SYT14: variants seen among roughly 807,000 people sequenced by gnomAD.
The protein encoded by SYT14 is synaptotagmin 14.
SYT14 carries 32 observed loss-of-function variants against 74.2 expected under a neutral mutation model. The ratio of observed to expected loss-of-function variants is 0.43; its 90% CI spans 0.33 to 0.58. The LOEUF is 0.58. Ranked by LOEUF, SYT14 falls within the 20% of genes least tolerant of loss-of-function variation. The pLI, the probability that SYT14 is intolerant of heterozygous loss-of-function variation, is 0.05. For missense variants in SYT14, 791 were observed against 981.8 expected (o/e 0.81, Z 2.60); for synonymous variants, 298 against 337.7 (o/e 0.88, Z 1.29).
chr1:210,129,019 AAT>A (rs1423257968), intron 7 of SYT14, among the ~76,000 whole-genome samples: 2 of 152,214 alleles, frequency 1.3e-5, no homozygotes, highest in Non-Finnish European at 2.9e-5. Context: ...TATCCAAAAA[AAT>A]AGCTTCAGGA....
At chr1:210,005,889 ATTTC>A (rs1338392679) in intron 2 of SYT14, among the ~76,000 whole-genome samples, 1 of 151,686 alleles carries the variant, frequency 6.6e-6, no homozygotes, top group Admixed American at 6.6e-5. Context: ...TTTTTTTCTA[ATTTC>A]TTCAAGATTG....
At chr1:210,061,985 A>G (rs2081215005) in intron 5 of SYT14, among the ~76,000 whole-genome samples, 1 of 151,750 alleles carries the variant, frequency 6.6e-6, no homozygotes, top group African/African-American at 2.4e-5. Context: ...TCTATTATAC[A>G]GTGGCTTTGC....
chr1:210,079,385 T>C (rs1210386292), intron 5 of SYT14, among the ~76,000 whole-genome samples: 1 of 152,004 alleles, frequency 6.6e-6, no homozygotes, highest in Admixed American at 6.6e-5. Context: ...ACCCACTAAG[T>C]CTTAAAAAAA....
chr1:210,088,105 G>T (rs577533402), intron 5 of SYT14, among the ~76,000 whole-genome samples: 1 of 150,132 alleles, frequency 6.7e-6, no homozygotes, highest in Non-Finnish European at 1.5e-5. Flanking sequence ...TTATATGCTT[G>T]GTTTTTTATT....
intron 2 of SYT14, among the ~76,000 whole-genome samples, chr1:209,961,037 A>G (rs1040424): frequency 0.05 from 7,604 of 152,154 alleles, 1,027 homozygotes; most frequent in East Asian, 0.41. Context: ...GGCTGATGTC[A>G]CTTTATGGAC....
At chr1:210,067,454 CT>C in intron 5 of SYT14, among the ~76,000 whole-genome samples, 1 of 152,022 alleles carries the variant, frequency 6.6e-6, no homozygotes, top group Middle Eastern at 3.4e-3. Flanking sequence ...TTATTCAAGT[CT>C]TCTTTAATTT....
chr1:210,000,940 T>A (rs145419101), intron 2 of SYT14, among the ~76,000 whole-genome samples: 348 of 152,230 alleles, frequency 2.3e-3, no homozygotes, highest in African/African-American at 7.7e-3. Flanking sequence ...CCTTTTGTGA[T>A]TAAAAACACA....
At chr1:210,165,930 T>C (rs936005768) in exon 10 of SYT14, 1 of 152,230 alleles carries the variant, frequency 6.6e-6, no homozygotes, top group African/African-American at 2.4e-5. Flanking sequence ...TGCCATGTGT[T>C]GTTGTTCCAA....
chr1:210,130,284 T>A (rs1413384174), intron 7 of SYT14, among the ~76,000 whole-genome samples: 2 of 152,200 alleles, frequency 1.3e-5, no homozygotes, highest in African/African-American at 4.8e-5. Context: ...CTTGATTCAT[T>A]AGAAGCTTAG....
chr1:210,121,335 T>G (rs1481357329), intron 7 of SYT14, among the ~76,000 whole-genome samples: 1 of 152,186 alleles, frequency 6.6e-6, no homozygotes, highest in African/African-American at 2.4e-5. Flanking sequence ...AAAAAATCTT[T>G]GCATTGTATT....
intron 7 of SYT14, among the ~76,000 whole-genome samples, chr1:210,101,835 A>C (rs557687299): frequency 1.2e-4 from 18 of 152,284 alleles, no homozygotes; most frequent in Admixed American, 5.2e-4. Context: ...TTTAAATTAG[A>C]AGAGAAAGAC....
intron 7 of SYT14, among the ~76,000 whole-genome samples, chr1:210,101,780 T>C (rs1157101538): frequency 1.3e-5 from 2 of 152,148 alleles, no homozygotes; most frequent in Non-Finnish European, 1.5e-5. Flanking sequence ...GTCTGAGTGA[T>C]CACTAGTTAC....
chr1:210,050,692 G>T (rs227174), intron 5 of SYT14, among the ~76,000 whole-genome samples: 4 of 151,982 alleles, frequency 2.6e-5, no homozygotes, highest in African/African-American at 4.8e-5. Flanking sequence ...TGAAAGGCAC[G>T]TCTCACATGG....
intron 5 of SYT14, among the ~76,000 whole-genome samples, chr1:210,064,946 GT>G (rs1272816390): frequency 2.6e-5 from 4 of 152,030 alleles, no homozygotes; most frequent in South Asian, 2.1e-4. Context: ...GCTTAGTTTT[GT>G]TTTTAATGGT....
At chr1:209,945,713 A>C (rs1241820587) in intron 1 of SYT14, among the ~76,000 whole-genome samples, 1 of 152,204 alleles carries the variant, frequency 6.6e-6, no homozygotes, top group Non-Finnish European at 1.5e-5. Context: ...TAATGATCAG[A>C]ATAAACATGG....
intron 2 of SYT14, among the ~76,000 whole-genome samples, chr1:209,974,995 A>G (rs1168349627): frequency 1.3e-5 from 2 of 152,176 alleles, no homozygotes; most frequent in Non-Finnish European, 2.9e-5. Context: ...GAGTTCACTC[A>G]TGATTCGGCT....
chr1:209,963,496 G>T (rs2079108444), intron 2 of SYT14, among the ~76,000 whole-genome samples: 1 of 152,126 alleles, frequency 6.6e-6, no homozygotes, highest in Non-Finnish European at 1.5e-5. Flanking sequence ...TTTGGCTTAT[G>T]TATTTGTTTT....
At chr1:209,992,574 A>T (rs2079711287) in intron 2 of SYT14, among the ~76,000 whole-genome samples, 1 of 152,204 alleles carries the variant, frequency 6.6e-6, no homozygotes, top group African/African-American at 2.4e-5. Context: ...AAATTACTTA[A>T]TGGGTACAGT....
chr1:209,961,392 CT>C (rs1419034989), intron 2 of SYT14, among the ~76,000 whole-genome samples: 1 of 152,016 alleles, frequency 6.6e-6, no homozygotes. Flanking sequence ...AGTAACTTTT[CT>C]TTTTTCTAGT....
Sources: gnomAD v4.1 joint callset for allele counts (sites outside exome capture counted in the v4.1 genomes callset) on GRCh38, gnomAD v4.1.1 for gene constraint, MANE v1.5 for transcripts, NCBI Gene and HGNC (gene_info 2026-07-23, HGNC 2026-07-21) for gene names.